Variants in KIF20B observed in about 807,000 individuals in gnomAD.
The protein encoded by KIF20B is kinesin family member 20B.
KIF20B carries 188 observed loss-of-function variants against 232.5 expected under a neutral mutation model. The observed-to-expected ratio is 0.81, with a 90% CI of 0.72 to 0.91. The LOEUF (loss-of-function observed/expected upper bound fraction) is 0.91, where lower values mean the gene tolerates loss of function less well. Among genes scored for constraint, KIF20B ranks in the 40% least tolerant of loss-of-function variants. The pLI is 0.00. For synonymous variants in KIF20B, 712 were observed against 683.0 expected, an observed-to-expected ratio of 1.04 and a Z score of -0.66; for missense variants, 2,154 against 2,055.9, an observed-to-expected ratio of 1.05 and a Z score of -0.92.
intron 2 of KIF20B, 43 bp from the exon 3 acceptor site, chr10:89,709,124 G>A (rs371431314): frequency 1.6e-4 from 224 of 1,375,698 alleles, no homozygotes; most frequent in South Asian, 1.2e-4. Context: ...CTGAAAAGCC[G>A]TATCTTTCAA....
chr10:89,765,237 C>T (rs997483030), intron 29 of KIF20B, among the ~76,000 whole-genome samples: 2 of 152,112 alleles, frequency 1.3e-5, no homozygotes, highest in African/African-American at 4.8e-5. Context: ...CATTCTTATA[C>T]ACCAATAACA....
chr10:89,747,627 A>G (rs1841941515), intron 23 of KIF20B, among the ~76,000 whole-genome samples: 2 of 151,990 alleles, frequency 1.3e-5, no homozygotes, highest in Non-Finnish European at 2.9e-5. Flanking sequence ...TCAGTAAACT[A>G]TCGCAAGAAC....
intron 9 of KIF20B, 103 bp downstream of exon 9, chr10:89,716,650 G>T (rs1842941154): frequency 1.5e-6 from 1 of 657,620 alleles, no homozygotes; most frequent in Admixed American, 3.2e-5. Context: ...AGGTTCTCTC[G>T]TGTTAAATTC....
At chr10:89,716,395 T>C in intron 8 of KIF20B, 41 bp from the exon 9 acceptor site, 1 of 844,714 alleles carries the variant, frequency 1.2e-6, no homozygotes, top group Non-Finnish European at 1.9e-6. Context: ...ACACATTCTT[T>C]GTCTCAATAA....
chr10:89,728,850 G>A (rs897870955), intron 17 of KIF20B, among the ~76,000 whole-genome samples: 1 of 151,856 alleles, frequency 6.6e-6, no homozygotes, highest in Non-Finnish European at 1.5e-5. Context: ...TAGGATTTGA[G>A]CCCAGGCAGT....
In KIF20B at chr10:89,738,280, A is replaced by G; in HGVS notation, c.3439A>G (p.Arg1147Gly). The change falls in exon 20 of 33, where the codon AGA (arginine) becomes GGA (glycine). Residue 1147 changes from arginine (R) to glycine (G), a missense_variant. Arg to Gly is a moderately radical substitution (Grantham distance 125, BLOSUM62 -2). Coordinates refer to ENST00000371728, the MANE Select transcript of KIF20B (RefSeq NM_001284259.2). ...VQIQHVVEGKRALSELTQGVT... is the reference protein window; with the variant it reads ...VQIQHVVEGKGALSELTQGVT... ...AATACAGCATGTAGTTGAAGGAAAGAGAGCGCTTTCAGAACTTACACAAGG... is the reference window on the plus strand; with the variant it reads ...AATACAGCATGTAGTTGAAGGAAAGGGAGCGCTTTCAGAACTTACACAAGG... The G allele has an allele frequency of 6.2e-7, 1 of 1,611,024 alleles. No homozygotes were observed. Among genetic ancestry groups the G allele is most frequent in the Non-Finnish European group, 8.5e-7 (1 of 1,179,168 alleles).
Position 89,768,751 on chromosome 10 carries a change from C to T in KIF20B, c.5105C>T (p.Pro1702Leu). Residue 1702 changes from proline to leucine, a missense_variant, in exon 31 of 33, where the codon CCA becomes CTA. Coordinates refer to ENST00000371728, the MANE Select transcript of KIF20B (RefSeq NM_001284259.2). ...TTTGTTTATTAGGTTGCCATACGTC[C>T]ATCATCTAAGAAAACATATTCTTTA... is the stretch of plus-strand genomic sequence containing the variant. ...VKKEQKVAIRPSSKKTYSLRS... is the reference protein window; with the variant it reads ...VKKEQKVAIRLSSKKTYSLRS... The T allele has an allele frequency of 6.3e-7, 1 of 1,588,044 alleles. No homozygotes were observed. The highest frequency in any genetic ancestry group is 1.9e-5 in the Admixed American group (1 of 52,456).
chr10:89,743,124 C>T (rs1011512266), intron 21 of KIF20B, among the ~76,000 whole-genome samples: 1 of 152,178 alleles, frequency 6.6e-6, no homozygotes, highest in Admixed American at 6.5e-5. Flanking sequence ...GAAGGCTCTG[C>T]TGCCAGTTAG....
Position 89,768,502 on chromosome 10 carries a change from A to T in KIF20B, c.5091+111A>T, listed in dbSNP as rs1842407258. On this transcript the variant is annotated intron_variant, in intron 30 of 32. Transcript: ENST00000371728. ...TATACATCTGATTCAGTTGAAATGTAACCTTTAGCATTTGGCCAGTAGCAT... is the reference window on the plus strand; with the variant it reads ...TATACATCTGATTCAGTTGAAATGTTACCTTTAGCATTTGGCCAGTAGCAT... 1.8e-5 allele frequency: 14 copies of T among 767,718 alleles called. No individual in the cohort carries two copies. In the South Asian group the frequency reaches 2.4e-4, roughly 13 times the overall value. 47.6% of individuals were successfully genotyped at this position (767,718 alleles called of 1,614,324 possible). A position where few individuals can be genotyped will look rare whatever the true frequency, so the allele number is the denominator to read the frequency against.
At position 89,772,147 on chromosome 10, in the gene KIF20B, T is replaced by C. The variant is rs984203775; in HGVS notation, c.5243-542T>C. Among the ~76,000 whole-genome samples, 79 of 152,020 alleles carry C rather than the reference T, an allele frequency of 5.2e-4. 2 individuals are homozygous for C. The highest frequency in any genetic ancestry group is 3.3e-4 in the Admixed American group (5 of 15,168). Reference sequence around the variant, plus strand: ...TCTATTAAAAAAAAGTACTATGTACTATGTACATAGTAAGGAATTTAAAAA... The same window carrying C: ...TCTATTAAAAAAAAGTACTATGTACCATGTACATAGTAAGGAATTTAAAAA... On this transcript the variant is annotated intron_variant, in intron 31 of 32. Coordinates refer to ENST00000371728, the MANE Select transcript of KIF20B (RefSeq NM_001284259.2).
At chr10:89,716,577 C>G in intron 9 of KIF20B, 30 bp downstream of exon 9, 3 of 1,005,312 alleles carry the variant, frequency 3.0e-6, no homozygotes, top group South Asian at 1.4e-5. Flanking sequence ...AGAGTAAACT[C>G]GAATCACCGA....
chr10:89,731,878 T>G (rs1843327808), intron 18 of KIF20B, among the ~76,000 whole-genome samples: 1 of 152,228 alleles, frequency 6.6e-6, no homozygotes, highest in Non-Finnish European at 1.5e-5. Context: ...GCCTTTTTTC[T>G]TAAATAACCC....
intron 8 of KIF20B, among the ~76,000 whole-genome samples, chr10:89,715,956 A>C (rs1026606472): frequency 1.3e-5 from 2 of 151,956 alleles, no homozygotes; most frequent in Admixed American, 1.3e-4. Flanking sequence ...ACGCCTTTGC[A>C]CTCCAGGCTG....
intron 21 of KIF20B, among the ~76,000 whole-genome samples, chr10:89,739,519 TC>T (rs1476320641): frequency 1.3e-5 from 1 of 74,816 alleles, no homozygotes; most frequent in Non-Finnish European, 2.5e-5. Flanking sequence ...TACTTCCCAC[TC>T]CTTCGAGCTG....
chr10:89,747,683 C>G, intron 23 of KIF20B, among the ~76,000 whole-genome samples: 1 of 147,984 alleles, frequency 6.8e-6, no homozygotes, highest in Non-Finnish European at 1.5e-5. Flanking sequence ...GGGAATTGAA[C>G]AATGAGAGCA....
rs1842299344 is a variant in KIF20B at position 89,763,952 on chromosome 10, T to C, written c.4989+1117T>C. 1.3e-5 allele frequency among the ~76,000 whole-genome samples: 2 copies of C among 151,518 alleles called. 1 individual carries two copies. Among genetic ancestry groups the C allele is most frequent in the South Asian group, 4.2e-4 (2 of 4,810 alleles). ...GGGTACATGTGCACAATGTGCAGTT[T>C]AGTTACATATGTATATATGTGCCAT... On this transcript the variant is annotated intron_variant, in intron 29 of 32. Transcript: ENST00000371728.
Position 89,774,324 on chromosome 10 carries a change from T to G in KIF20B, c.*276T>G. The G allele has an allele frequency of 9.1e-6, 2 of 220,150 alleles. No homozygotes were observed. Among genetic ancestry groups the G allele is most frequent in the South Asian group, 3.3e-4 (2 of 6,056 alleles). The allele number at this position is 220,150 out of a possible 1,614,324, so 13.6% of individuals were successfully genotyped here. A position where few individuals can be genotyped will look rare whatever the true frequency, so the allele number is the denominator to read the frequency against. On this transcript the variant is annotated 3_prime_UTR_variant, in exon 33 of 33. Coordinates refer to ENST00000371728, the MANE Select transcript of KIF20B (RefSeq NM_001284259.2). ...GAAAGAGGCTGTTATTCTCATTTAT[T>G]TTGCTATACAGGATGTAATAGGTCA...
chr10:89,757,067 T>TATATATATATATAC (rs1842143769), intron 26 of KIF20B, among the ~76,000 whole-genome samples: 1 of 132,054 alleles, frequency 7.6e-6, no homozygotes, highest in East Asian at 3.4e-4. Flanking sequence ...TATATATATA[T>TATATATATATATAC]ATACACACAT....
chr10:89,727,753 T>G, intron 16 of KIF20B, 103 bp from the exon 17 acceptor site: 1 of 1,023,848 alleles, frequency 9.8e-7, no homozygotes, highest in African/African-American at 1.7e-5. Flanking sequence ...TTATTGAATG[T>G]AACAGTAAAG....
Sources: gnomAD v4.1 joint callset for allele counts (sites outside exome capture counted in the v4.1 genomes callset) on GRCh38, gnomAD v4.1.1 for gene constraint, MANE v1.5 for transcripts, NCBI Gene and HGNC (gene_info 2026-07-23, HGNC 2026-07-21) for gene names.